TENM3: variants seen among roughly 807,000 people sequenced by gnomAD.
TENM3 encodes the protein teneurin transmembrane protein 3.
Under a neutral mutation model 255.1 loss-of-function variants are expected in TENM3, and 63 were observed. The observed-to-expected ratio is 0.25, with a 90% CI of 0.20 to 0.30. The LOEUF (loss-of-function observed/expected upper bound fraction) is 0.30. Among genes scored for constraint, TENM3 ranks in the 10% least tolerant of loss-of-function variants. The pLI, the probability that TENM3 is intolerant of heterozygous loss-of-function variation, is 1.00. For synonymous variants in TENM3, 1,306 were observed against 1,322.3 expected, an observed-to-expected ratio of 0.99 and a Z score of 0.27; for missense variants, 2,929 against 3,461.1, an observed-to-expected ratio of 0.85 and a Z score of 3.86.
At chr4:182,122,720 A>G in the TENM3 span, among the ~76,000 whole-genome samples, 1 of 152,216 alleles carries the variant, frequency 6.6e-6, no homozygotes, top group East Asian at 1.9e-4. Flanking sequence ...ATAAATGAGC[A>G]TTGGCTTCAA....
chr4:182,670,588 T>C (rs916450525), intron 6 of TENM3, among the ~76,000 whole-genome samples: 1 of 152,218 alleles, frequency 6.6e-6, no homozygotes, highest in African/African-American at 2.4e-5. Flanking sequence ...CATTTAGTTA[T>C]AGCTGTCCTT....
chr4:182,008,103 G>A, the TENM3 span, among the ~76,000 whole-genome samples: 2 of 152,168 alleles, frequency 1.3e-5, no homozygotes, highest in African/African-American at 2.4e-5. Flanking sequence ...CTGTTAGTCT[G>A]ATGGGCTTCC....
chr4:181,647,830 C>G, the TENM3 span, among the ~76,000 whole-genome samples: 7 of 151,998 alleles, frequency 4.6e-5, no homozygotes, highest in Non-Finnish European at 1.0e-4. Context: ...CGAACGGCAG[C>G]GAGTCTGAAG....
At chr4:181,807,889 C>T in the TENM3 span, among the ~76,000 whole-genome samples, 3 of 152,158 alleles carry the variant, frequency 2.0e-5, no homozygotes, top group Non-Finnish European at 4.4e-5. Context: ...TAGAGGAGAA[C>T]TATATCCCAT....
the TENM3 span, among the ~76,000 whole-genome samples, chr4:181,903,071 C>T: frequency 1.3e-5 from 2 of 152,038 alleles, no homozygotes; most frequent in East Asian, 3.9e-4. Flanking sequence ...TGAGTGGTTT[C>T]CTACTGAGGA....
At chr4:182,428,763 A>G (rs1427616387) in intron 3 of TENM3, among the ~76,000 whole-genome samples, 1 of 152,166 alleles carries the variant, frequency 6.6e-6, no homozygotes, top group Non-Finnish European at 1.5e-5. Flanking sequence ...ATTTTGTTAA[A>G]ATTTCCTAGC....
chr4:181,576,876 C>T, the TENM3 span, among the ~76,000 whole-genome samples: 67 of 135,352 alleles, frequency 5.0e-4, 1 homozygote, highest in East Asian at 1.3e-3. Flanking sequence ...TGCAATGGCA[C>T]GACCTCGGCT....
chr4:182,244,061 C>T (rs1216559125), intron 1 of TENM3, among the ~76,000 whole-genome samples: 1 of 144,832 alleles, frequency 6.9e-6, no homozygotes, highest in Admixed American at 7.2e-5. Context: ...TCACGCCATT[C>T]TCCTGCCTCA....
the TENM3 span, among the ~76,000 whole-genome samples, chr4:182,040,311 G>A: frequency 6.6e-6 from 1 of 151,294 alleles, no homozygotes; most frequent in South Asian, 2.1e-4. Flanking sequence ...GAGGGAGAAG[G>A]AAGGGACAAA....
the TENM3 span, among the ~76,000 whole-genome samples, chr4:181,475,441 G>T: frequency 6.6e-6 from 1 of 152,160 alleles, no homozygotes; most frequent in African/African-American, 2.4e-5. Flanking sequence ...TTGCTCTCTA[G>T]GGACAGTAGA....
the TENM3 span, among the ~76,000 whole-genome samples, chr4:181,605,516 A>G: frequency 3.0e-4 from 7 of 23,564 alleles, no homozygotes; most frequent in African/African-American, 6.3e-4. Context: ...GAAAGAAAGA[A>G]AGAAAGAAAG....
rs975179003 is a variant in TENM3 at position 182,166,387 on chromosome 4, A to G, written c.-76+21633A>G. Among the ~76,000 whole-genome samples the G allele has an allele frequency of 2.6e-5, 4 of 152,144 alleles. No homozygotes were observed. The East Asian group carries it at 5.8e-4, about 22-fold the overall frequency. ...CTGGAGGGCCCCCTGGGCTTCTGCC[A>G]TGAGATTGAAGCTTGGCACCTCAGT... On this transcript the variant is annotated intron_variant, in intron 1 of 2. Coordinates refer to the TENM3 transcript ENST00000512480.
At chr4:181,702,803 G>C in the TENM3 span, among the ~76,000 whole-genome samples, 1 of 151,548 alleles carries the variant, frequency 6.6e-6, no homozygotes, top group Non-Finnish European at 1.5e-5. Context: ...TTCATATTAG[G>C]GTAACTTCTG....
chr4:182,112,351 T>C, the TENM3 span, among the ~76,000 whole-genome samples: 8 of 152,152 alleles, frequency 5.3e-5, no homozygotes, highest in African/African-American at 1.9e-4. Context: ...CCTCATCACC[T>C]TGTGGGGAAA....
At chr4:181,559,967 T>G in the TENM3 span, among the ~76,000 whole-genome samples, 6 of 152,230 alleles carry the variant, frequency 3.9e-5, no homozygotes, top group African/African-American at 1.4e-4. Flanking sequence ...AGGAATATAA[T>G]TATTAAATGT....
the TENM3 span, among the ~76,000 whole-genome samples, chr4:181,832,407 A>G: frequency 5.3e-5 from 8 of 152,318 alleles, no homozygotes; most frequent in Middle Eastern, 3.4e-3. Context: ...TAACTAGCTT[A>G]AAGCATAAGA....
At chr4:182,646,345 A>C (rs960290104) in intron 5 of TENM3, among the ~76,000 whole-genome samples, 8 of 152,206 alleles carry the variant, frequency 5.3e-5, no homozygotes, top group Non-Finnish European at 5.9e-5. Context: ...CAGGAGAATT[A>C]TGAAAGGAAA....
the TENM3 span, among the ~76,000 whole-genome samples, chr4:181,616,945 C>T: frequency 1.3e-5 from 2 of 152,284 alleles, no homozygotes; most frequent in Non-Finnish European, 2.9e-5. Flanking sequence ...ATAATGCTTT[C>T]TTTACCGTTT....
At chr4:182,012,479 C>T in the TENM3 span, among the ~76,000 whole-genome samples, 1 of 152,118 alleles carries the variant, frequency 6.6e-6, no homozygotes, top group East Asian at 1.9e-4. Context: ...TAAAGAACGC[C>T]GGAATTGTCT....
Sources: allele counts gnomAD v4.1 joint callset (sites outside exome capture counted in the v4.1 genomes callset), GRCh38; gene constraint gnomAD v4.1.1; transcripts MANE v1.5; gene names NCBI Gene and HGNC (gene_info 2026-07-23, HGNC 2026-07-21).